Variants in TMEM94 observed in about 807,000 individuals in gnomAD.
TMEM94 encodes ER Mg2+ ATPase.
Under a neutral mutation model 158.6 loss-of-function variants are expected in TMEM94, and 81 were observed. The ratio of observed to expected loss-of-function variants is 0.51; its 90% CI spans 0.43 to 0.61. The LOEUF (loss-of-function observed/expected upper bound fraction) is 0.61, where lower values mean the gene tolerates loss of function less well. Among genes scored for constraint, TMEM94 ranks in the 20% least tolerant of loss-of-function variants. The pLI is 0.00. For synonymous variants in TMEM94, 751 were observed against 730.7 expected (o/e 1.03, Z -0.45); for missense variants, 1,435 against 1,762.0 (o/e 0.81, Z 3.32).
chr17:75,496,686 G>C (rs935288652), intron 24 of TMEM94, 44 bp from the exon 25 acceptor site: 3 of 1,585,088 alleles, frequency 1.9e-6, no homozygotes, highest in Admixed American at 1.7e-5. Context: ...GCCTGGGAGA[G>C]GCCAGGTAGA....
At chr17:75,464,680 T>C (rs72854375) in intron 1 of TMEM94, among the ~76,000 whole-genome samples, 3,301 of 43,404 alleles carry the variant, frequency 0.076, 39 homozygotes, top group East Asian at 0.12. Flanking sequence ...TCCTTCCTTC[T>C]TTCTTTCTTT....
intron 18 of TMEM94, among the ~76,000 whole-genome samples, 198 bp downstream of exon 18, chr17:75,494,114 G>C (rs1465925034): frequency 1.3e-5 from 2 of 152,192 alleles, no homozygotes; most frequent in African/African-American, 2.4e-5. Flanking sequence ...CCTTATCAGT[G>C]GGTGCTCACT....
chr17:75,488,751 G>A lies in TMEM94; in HGVS notation c.613-8G>A, dbSNP rs765315986. The A allele has an allele frequency of 1.2e-6, 2 of 1,613,772 alleles. No individual in the cohort carries two copies. The highest frequency in any genetic ancestry group is 1.1e-5 in the South Asian group (1 of 91,000). ...TCTCGTTCCCACTCTCCCACTTGCT[G>A]CCGGCAGGATGACGAGCACATCGTC... On this transcript the variant is annotated splice_region_variant and splice_polypyrimidine_tract_variant and intron_variant, in intron 6 of 31. Transcript: ENST00000314256.
In TMEM94 at chr17:75,472,760, G is replaced by A. The variant is rs924583533; in HGVS notation, c.24+831G>A. ...CAAAGCCCTCCAGAATCCTGCTCCT[G>A]CCCATGGATTTGGTGTTCCTAGCCT... On this transcript the variant is annotated intron_variant, in intron 2 of 31. Coordinates refer to ENST00000314256, the MANE Select transcript of TMEM94 (RefSeq NM_014738.6). Among the ~76,000 whole-genome samples the A allele has an allele frequency of 2.0e-5, 3 of 152,276 alleles. No homozygotes were observed. The East Asian group carries it at 5.8e-4, about 29-fold the overall frequency.
rs2051481284 is a variant in TMEM94 at position 75,485,080 on chromosome 17, C to T, written c.25-348C>T. On this transcript the variant is annotated intron_variant, in intron 2 of 31. Coordinates refer to ENST00000314256, the MANE Select transcript of TMEM94 (RefSeq NM_014738.6). This position sits in a 1 kb window ranked among gnomAD's most constrained non-coding sequence, Gnocchi z 5.5. ...TGTCCATGCAATCAAAGACTGGCCCCCTTGCAATAAATTGGGAGATCAGTG... is the reference window on the plus strand; with the variant it reads ...TGTCCATGCAATCAAAGACTGGCCCTCTTGCAATAAATTGGGAGATCAGTG... Among the ~76,000 whole-genome samples the T allele has an allele frequency of 6.6e-6, 1 of 152,054 alleles. No homozygotes were observed. Among genetic ancestry groups the T allele is most frequent in the African/African-American group, 2.4e-5 (1 of 41,404 alleles).
At chr17:75,461,646 G>A (rs1426578260) in intron 1 of TMEM94, among the ~76,000 whole-genome samples, 1 of 151,870 alleles carries the variant, frequency 6.6e-6, no homozygotes, top group Non-Finnish European at 1.5e-5. Context: ...ACAGTAGGCC[G>A]GGCGCAGTGG....
chr17:75,488,999 G>A (rs936253291), intron 7 of TMEM94, 89 bp downstream of exon 7: 17 of 1,405,300 alleles, frequency 1.2e-5, no homozygotes, highest in Admixed American at 2.3e-5. Context: ...CGTTCATCTC[G>A]AGGTTCTCTT....
In TMEM94 at chr17:75,495,601, G is replaced by T. The variant is rs943499370; in HGVS notation, c.2902G>T (p.Val968Leu). 6.2e-7 allele frequency: 1 copy of T among 1,613,480 alleles called. No individual in the cohort carries two copies. Among genetic ancestry groups the T allele is most frequent in the African/African-American group, 1.3e-5 (1 of 74,922 alleles). Residue 968 changes from valine to leucine, a missense_variant, in exon 22 of 32, where the codon GTG (valine) becomes TTG (leucine). Around this residue, in one of 3 missense-constraint regions of TMEM94, gnomAD observed 49 missense variants for 98.5 expected, o/e 0.50. Coordinates refer to ENST00000314256, the MANE Select transcript of TMEM94 (RefSeq NM_014738.6). This position sits in a 1 kb window ranked among gnomAD's most constrained non-coding sequence, Gnocchi z 5.6. Reference sequence around the variant, plus strand: ...GCCCCACCTGCAGAACATTGACAACGTGCCCCTGCTAGTGCCCCTTTTCAC... The same window carrying T: ...GCCCCACCTGCAGAACATTGACAACTTGCCCCTGCTAGTGCCCCTTTTCAC... ...VRPHLQNIDN[V>L]PLLVPLFTDC...
chr17:75,493,610 A>G lies in TMEM94; in HGVS notation c.2189+17A>G, dbSNP rs756925775. The G allele has an allele frequency of 1.5e-5, 25 of 1,613,512 alleles. No homozygotes were observed. The Admixed American group carries it at 3.5e-4, about 23-fold the overall frequency. The stretch of plus-strand genomic sequence containing the variant: ...ATCTGACAGGTGGGTGAGGAAGCAC[A>G]TGCCAGCAGCAAGAGCAGTCGCGCT... On this transcript the variant is annotated intron_variant, in intron 17 of 31. Coordinates refer to ENST00000314256, the MANE Select transcript of TMEM94 (RefSeq NM_014738.6).
chr17:75,488,936 T>G (rs780187196), intron 7 of TMEM94, 26 bp downstream of exon 7: 4 of 1,533,624 alleles, frequency 2.6e-6, no homozygotes, highest in Non-Finnish European at 3.5e-6. Flanking sequence ...CGCCTCCTCC[T>G]GTCCCTGGTG....
chr17:75,491,739 C>T lies in TMEM94; in HGVS notation c.1435C>T (p.His479Tyr), dbSNP rs766436512. ...LLAGSLNNTL[H>Y]LSNEQERGDW... ...GGCTGGCTCCCTGAACAACACCCTG[C>T]ACCTTTCCAATGAGCAGGAGCGTGG... The change falls in exon 14 of 32, where the codon CAC becomes TAC. Residue 479 changes from histidine to tyrosine, a missense_variant. This residue lies in a region of TMEM94 where 1,051 missense variants were observed against 1,254.4 expected (regional missense o/e 0.84). Transcript: ENST00000314256. The surrounding 1 kb of genome is among the most constrained non-coding windows in gnomAD (Gnocchi z 5.1). 6.2e-7 allele frequency: 1 copy of T among 1,614,092 alleles called. No individual in the cohort carries two copies. The highest frequency in any genetic ancestry group is 1.3e-5 in the African/African-American group (1 of 75,072).
intron 1 of TMEM94, among the ~76,000 whole-genome samples, chr17:75,467,565 G>T (rs1345514309): frequency 3.3e-5 from 4 of 121,862 alleles, no homozygotes; most frequent in African/African-American, 3.2e-5. Context: ...TCGCTCTGTC[G>T]CCCAGGCCGG....
intron 2 of TMEM94, among the ~76,000 whole-genome samples, chr17:75,481,743 G>A (rs1470271875): frequency 6.6e-6 from 1 of 152,222 alleles, no homozygotes; most frequent in African/African-American, 2.4e-5. Flanking sequence ...GCCTGTGGCT[G>A]AGCCTCCTCC....
At chr17:75,490,490 C>T (rs2052067797) in intron 10 of TMEM94, 140 bp downstream of exon 10, 3 of 1,026,214 alleles carry the variant, frequency 2.9e-6, no homozygotes, top group Middle Eastern at 2.4e-4. Flanking sequence ...AGGCCTCGGG[C>T]CCTCTCCATT....
chr17:75,476,575 C>T, intron 2 of TMEM94: 1 of 1,483,684 alleles, frequency 6.7e-7, no homozygotes, highest in Non-Finnish European at 8.9e-7. Flanking sequence ...CACACACTCT[C>T]AGCTGTCTCC....
intron 2 of TMEM94, among the ~76,000 whole-genome samples, chr17:75,474,659 C>G (rs1371496004): frequency 6.6e-6 from 1 of 152,078 alleles, no homozygotes; most frequent in Non-Finnish European, 1.5e-5. Context: ...CAAAACAAAA[C>G]AAAACAAAAA....
Position 75,492,552 on chromosome 17 carries a change from TCC to T in TMEM94, c.1677_1678del (p.Gln560GlyfsTer11). 1 of 1,613,922 alleles carries T rather than the reference TCC, an allele frequency of 6.2e-7. No homozygotes were observed. The highest frequency in any genetic ancestry group is 1.3e-5 in the African/African-American group (1 of 75,004). ...CDYHLEMLSL[S>X]QDQQNPSCIQ... Reference sequence around the variant, plus strand: ...CTACCACCTGGAGATGCTGAGCCTGTCCCAGGACCAGCAGAACCCCTCCTGCA... The same window carrying T: ...CTACCACCTGGAGATGCTGAGCCTGTCAGGACCAGCAGAACCCCTCCTGCA... On this transcript the variant is annotated frameshift_variant, in exon 15 of 32. Transcript: ENST00000314256. LOFTEE classifies it high-confidence loss of function. The surrounding 1 kb of genome is among the most constrained non-coding windows in gnomAD (Gnocchi z 4.4).
At chr17:75,493,178 C>G in intron 16 of TMEM94, 76 bp downstream of exon 16, 1 of 1,466,804 alleles carries the variant, frequency 6.8e-7, no homozygotes, top group Non-Finnish European at 9.3e-7. Flanking sequence ...CCAGCCCCAC[C>G]CATTGCTAGG....
Position 75,483,463 on chromosome 17 carries a change from C to CT in TMEM94, c.25-1950dup, listed in dbSNP as rs1195481464. 7.9e-3 allele frequency among the ~76,000 whole-genome samples: 1,094 copies of CT among 139,316 alleles called. 12 individuals are homozygous for CT. The highest frequency in any genetic ancestry group is 0.018 in the African/African-American group (689 of 38,126). The allele number at this position is 139,316 out of a possible 152,430, so 91.4% of individuals were successfully genotyped here. On this transcript the variant is annotated intron_variant, in intron 2 of 31. Transcript: ENST00000314256. The stretch of plus-strand genomic sequence containing the variant: ...TGGCAAGTTCAAGTTTTTTTCTTTT[C>CT]TTTTTTTTTTTTTTTGAGACAGAGT...
Sources: gnomAD v4.1 joint callset for allele counts (sites outside exome capture counted in the v4.1 genomes callset) on GRCh38, gnomAD v4.1.1 for gene constraint, gnomAD v4.1.1 regional missense constraint, Gnocchi (gnomAD v3.1) non-coding constraint, MANE v1.5 for transcripts, NCBI Gene and HGNC (gene_info 2026-07-23, HGNC 2026-07-21) for gene names.